CPSF4L: variants seen among roughly 807,000 people sequenced by gnomAD.
CPSF4L encodes the protein cleavage and polyadenylation specific factor 4 like.
A neutral mutation model predicts 24.0 loss-of-function variants in CPSF4L; 18 were observed. That is an observed-to-expected ratio of 0.75 (90% CI 0.52 to 1.11). The LOEUF is 1.11. Ranked by LOEUF, CPSF4L falls within the 50% of genes least tolerant of loss-of-function variation. CPSF4L has a pLI of 0.00. For synonymous variants in CPSF4L, 72 were observed against 77.2 expected, an observed-to-expected ratio of 0.93 and a Z score of 0.35; for missense variants, 211 against 221.8, an observed-to-expected ratio of 0.95 and a Z score of 0.31.
chr17:73,257,888 G>C lies in CPSF4L; in HGVS notation c.155-55C>G, dbSNP rs893030375. ...GCCCCTCATCCACAGCCTGGGCCCA[G>C]CTCAGCCCTCCAGGGGATTCCCCAG... On this transcript the variant is annotated intron_variant, in intron 2 of 5. Coordinates refer to ENST00000344935, the MANE Select transcript of CPSF4L (RefSeq NM_001129885.1). 3.2e-6 allele frequency: 5 copies of C among 1,538,544 alleles called. No homozygotes were observed. In the African/African-American group the frequency reaches 5.5e-5, roughly 17 times the overall value.
At chr17:73,251,306 C>T (rs1269100709) in intron 5 of CPSF4L, among the ~76,000 whole-genome samples, 2 of 152,118 alleles carry the variant, frequency 1.3e-5, no homozygotes, top group East Asian at 1.9e-4. Flanking sequence ...GTAAATTCCC[C>T]GCAGTCCCAC....
intron 5 of CPSF4L, chr17:73,250,922 T>C (rs2062003194): frequency 1.4e-6 from 2 of 1,391,014 alleles, no homozygotes; most frequent in Non-Finnish European, 9.6e-7. Flanking sequence ...TTCCTTGCCC[T>C]CCCAGCTCTC....
intron 5 of CPSF4L, 88 bp from the exon 6 acceptor site, chr17:73,248,624 A>C (rs2061985166): frequency 7.6e-7 from 1 of 1,318,608 alleles, no homozygotes; most frequent in Non-Finnish European, 1.1e-6. Flanking sequence ...AGGCATGGTG[A>C]CACCCAGGCT....
chr17:73,258,254 C>A (rs2062031321), intron 2 of CPSF4L, among the ~76,000 whole-genome samples: 2 of 152,130 alleles, frequency 1.3e-5, no homozygotes, highest in Non-Finnish European at 2.9e-5. Context: ...TTGTGATCTG[C>A]CCACCTCGGC....
intron 5 of CPSF4L, among the ~76,000 whole-genome samples, chr17:73,250,653 T>C (rs2062001484): frequency 6.6e-6 from 1 of 152,144 alleles, no homozygotes; most frequent in Non-Finnish European, 1.5e-5. Context: ...AACCAGAAGA[T>C]ACCAGAAAAA....
chr17:73,245,104 A>G, downstream of CPSF4L: 1 of 1,498,624 alleles, frequency 6.7e-7, no homozygotes. Context: ...GTAGAGGCAA[A>G]AGATAGTAAC....
rs199518032 is a variant in CPSF4L, at chr17:73,261,824, G to A, written c.-6C>T. On this transcript the variant is annotated 5_prime_UTR_variant, in exon 1 of 6. In the 5' UTR this introduces an upstream ATG that the reference lacks. Coordinates refer to ENST00000344935, the MANE Select transcript of CPSF4L (RefSeq NM_001129885.1). The stretch of plus-strand genomic sequence containing the variant: ...CCCGCAATGACCTCTTGCATCTTCC[G>A]TCTCCTGCTGGGGCTGCGGAAGCTG... 2.5e-5 allele frequency: 38 copies of A among 1,549,636 alleles called. No individual in the cohort carries two copies. The highest frequency in any genetic ancestry group is 7.8e-5 in the Admixed American group (4 of 50,980).
downstream of CPSF4L, among the ~76,000 whole-genome samples, chr17:73,246,883 C>T (rs896210256): frequency 1.3e-5 from 2 of 152,208 alleles, no homozygotes; most frequent in African/African-American, 4.8e-5. Context: ...TGCCCATTCT[C>T]TGTGAATGCT....
downstream of CPSF4L, among the ~76,000 whole-genome samples, chr17:73,243,715 G>A (rs946868948): frequency 6.6e-6 from 1 of 151,886 alleles, no homozygotes; most frequent in Non-Finnish European, 1.5e-5. Flanking sequence ...TGTATTTTTA[G>A]TAGAGACAGG....
upstream of CPSF4L, chr17:73,262,001 C>A: frequency 1.7e-6 from 1 of 594,500 alleles, no homozygotes; most frequent in Non-Finnish European, 3.0e-6. Context: ...GCCCAGCTGC[C>A]TCACCCGGCC....
chr17:73,260,804 A>G, intron 2 of CPSF4L, 129 bp downstream of exon 2: 1 of 584,996 alleles, frequency 1.7e-6, no homozygotes, highest in Non-Finnish European at 3.0e-6. Context: ...ATTCCGTTCC[A>G]TCCCAATTTT....
chr17:73,262,926 T>A (rs1438303066), upstream of CPSF4L, among the ~76,000 whole-genome samples: 1 of 149,718 alleles, frequency 6.7e-6, no homozygotes, highest in Non-Finnish European at 1.5e-5. Context: ...TCTGTTCTTT[T>A]GAACTCCAGA....
At chr17:73,250,037 G>T (rs947021389) in intron 5 of CPSF4L, 2 of 469,306 alleles carry the variant, frequency 4.3e-6, no homozygotes, top group South Asian at 8.2e-5. Flanking sequence ...TGGATAACTC[G>T]TTCCTGCCAA....
rs115247171 is a variant in CPSF4L, at chr17:73,248,577, G to A, written c.498-41C>T. 3,279 of 1,545,274 alleles carry A rather than the reference G, an allele frequency of 2.1e-3. 56 individuals carry two copies. In the African/African-American group the frequency reaches 0.037, roughly 18 times the overall value. On this transcript the variant is annotated intron_variant, in intron 5 of 5. Transcript: ENST00000344935. Reference sequence around the variant, plus strand: ...AAATGCAGCGTGAGAATCCATACACGTAATCCATATTCACCTTCCCATCCA... The same window carrying A: ...AAATGCAGCGTGAGAATCCATACACATAATCCATATTCACCTTCCCATCCA...
chr17:73,261,902 C>A, upstream of CPSF4L: 2 of 1,027,534 alleles, frequency 1.9e-6, 1 homozygote, highest in South Asian at 2.7e-5. Context: ...CCTTAAGGGG[C>A]CAGCGCCCAA....
chr17:73,242,830 A>G, the CPSF4L span: 1 of 1,301,130 alleles, frequency 7.7e-7, no homozygotes, highest in South Asian at 1.3e-5. Flanking sequence ...GAAAACTTGA[A>G]TGACTCGCGG....
At chr17:73,256,986 C>A (rs1403678978) in intron 3 of CPSF4L, among the ~76,000 whole-genome samples, 1 of 152,136 alleles carries the variant, frequency 6.6e-6, no homozygotes, top group African/African-American at 2.4e-5. Context: ...AAGATCACGC[C>A]ACTGCACTCC....
intron 4 of CPSF4L, among the ~76,000 whole-genome samples, chr17:73,253,088 G>C (rs1599411826): frequency 1.3e-5 from 2 of 152,220 alleles, no homozygotes; most frequent in South Asian, 4.1e-4. Context: ...TGGCCGGGTG[G>C]GGTGGCTCAC....
downstream of CPSF4L, chr17:73,245,271 T>A (rs988803572): frequency 6.5e-6 from 10 of 1,537,676 alleles, no homozygotes; most frequent in Non-Finnish European, 8.8e-6. Flanking sequence ...CTTAACAGTT[T>A]AAAAATGTAT....
Sources: gnomAD v4.1 joint callset for allele counts (sites outside exome capture counted in the v4.1 genomes callset) on GRCh38, gnomAD v4.1.1 for gene constraint, MANE v1.5 for transcripts, NCBI Gene and HGNC (gene_info 2026-07-23, HGNC 2026-07-21) for gene names.